Variants in CDH15 observed in about 807,000 individuals in gnomAD.
CDH15 encodes cadherin 15, also known as cadherin-15.
A neutral mutation model predicts 69.4 loss-of-function variants in CDH15; 73 were observed. That is an observed-to-expected ratio of 1.05 (90% CI 0.87 to 1.28). The LOEUF (loss-of-function observed/expected upper bound fraction) is 1.28. CDH15 is among the 50% of genes most tolerant of loss of function. The probability of loss-of-function intolerance (pLI) is 0.00; values close to 1 mark genes in which losing one functional copy is unlikely to be tolerated. For missense variants in CDH15, 1,343 were observed against 1,133.6 expected, an observed-to-expected ratio of 1.18 and a Z score of -2.65; for synonymous variants, 624 against 507.7, an observed-to-expected ratio of 1.23 and a Z score of -3.08.
In CDH15 at chr16:89,187,410, C is replaced by A; in HGVS notation, c.664-19C>A. On this transcript the variant is annotated intron_variant, in intron 5 of 13. Coordinates refer to ENST00000289746, the MANE Select transcript of CDH15 (RefSeq NM_004933.3). ...CCACCTGGGCCCTCATCTTCTGACC[C>A]TGTGCCCCACATCCCCAGGTGGTCG... 1 of 1,612,014 alleles carries A rather than the reference C, an allele frequency of 6.2e-7. No homozygotes were observed.
In CDH15 at chr16:89,180,364, C is replaced by T; in HGVS notation, c.357+9C>T. ...AGACTGATCGCTTCAGGGTGCGGAG[C>T]TGCGTGGTCGGACCTGTGCCCCTCA... On this transcript the variant is annotated intron_variant, in intron 3 of 13. Coordinates refer to ENST00000289746, the MANE Select transcript of CDH15 (RefSeq NM_004933.3). The T allele has an allele frequency of 1.2e-6, 2 of 1,609,970 alleles. No individual in the cohort carries two copies. The highest frequency in any genetic ancestry group is 1.7e-6 in the Non-Finnish European group (2 of 1,178,492).
rs533460689 is a variant in CDH15, at chr16:89,171,779, C to G, written c.-53C>G. ...CACTTGCGCTGTCACTCAGCCTGGA[C>G]GCGCTTCTTCGGGTCGCGGGTGCAC... On this transcript the variant is annotated 5_prime_UTR_variant, in exon 1 of 14. Transcript: ENST00000289746. 1.4e-4 allele frequency: 219 copies of G among 1,527,056 alleles called. 1 individual carries two copies. The African/African-American group carries it at 2.8e-3, about 19-fold the overall frequency. The allele number at this position is 1,527,056 out of a possible 1,614,324, so 94.6% of individuals were successfully genotyped here. A position where few individuals can be genotyped will look rare whatever the true frequency, so the allele number is the denominator to read the frequency against.
At chr16:89,185,027 A>G in intron 4 of CDH15, 146 bp from the exon 5 acceptor site, 1 of 746,298 alleles carries the variant, frequency 1.3e-6, no homozygotes, top group Non-Finnish European at 2.2e-6. Context: ...TGACGCAAAC[A>G]GCAGCATGGA....
intron 1 of CDH15, among the ~76,000 whole-genome samples, chr16:89,173,825 C>T (rs1915204968): frequency 6.6e-6 from 1 of 152,254 alleles, no homozygotes; most frequent in African/African-American, 2.4e-5. Context: ...CTCAGCCCTG[C>T]TGCACCTACA....
At chr16:89,194,553 C>T (rs376042761) in intron 13 of CDH15, among the ~76,000 whole-genome samples, 8 of 152,194 alleles carry the variant, frequency 5.3e-5, no homozygotes, top group Admixed American at 3.3e-4. Flanking sequence ...ACAAGGGCCA[C>T]GGGGAGGAAG....
chr16:89,185,620 C>T (rs573166419), intron 5 of CDH15: 55 of 514,518 alleles, frequency 1.1e-4, no homozygotes, highest in Non-Finnish European at 1.7e-4. Flanking sequence ...CTCATGGCAA[C>T]GGCTCCCCGC....
At chr16:89,191,226 T>C in intron 8 of CDH15, 104 bp from the exon 9 acceptor site, 2 of 1,291,970 alleles carry the variant, frequency 1.5e-6, no homozygotes, top group Non-Finnish European at 2.2e-6. Flanking sequence ...GGTATGTATG[T>C]GTGTGCCTGT....
rs1915648479 is a variant in CDH15 at position 89,191,766 on chromosome 16, A to C, written c.1487A>C (p.His496Pro). 1 of 1,606,360 alleles carries C rather than the reference A, an allele frequency of 6.2e-7. No individual in the cohort carries two copies. The highest frequency in any genetic ancestry group is 1.7e-5 in the Admixed American group (1 of 59,942). ...CCGGGCAGCCTGTGCAGCGAGCCAC[A>C]CCAAGGCCCAGGCCTCCTCCTGGGC... ...PPPGSLCSEP[H>P]QGPGLLLGAT... Residue 496 changes from histidine (H) to proline (P), a missense_variant, in exon 10 of 14, where the codon CAC becomes CCC. His to Pro is a moderately conservative substitution (Grantham distance 77, BLOSUM62 -2). Coordinates refer to ENST00000289746, the MANE Select transcript of CDH15 (RefSeq NM_004933.3).
chr16:89,185,271 C>A lies in CDH15; in HGVS notation c.601C>A (p.Leu201Ile). Residue 201 changes from leucine to isoleucine, a missense_variant, in exon 5 of 14, where the codon CTC (leucine) becomes ATC (isoleucine). Coordinates refer to ENST00000289746, the MANE Select transcript of CDH15 (RefSeq NM_004933.3). ...FSILQQGSPE[L>I]FSIDELTGEI... Reference sequence around the variant, plus strand: ...CATCCTGCAGCAGGGCAGCCCCGAGCTCTTCAGCATCGACGAGCTCACAGG... The same window carrying A: ...CATCCTGCAGCAGGGCAGCCCCGAGATCTTCAGCATCGACGAGCTCACAGG... 3 of 1,606,420 alleles carry A rather than the reference C, an allele frequency of 1.9e-6. No individual in the cohort carries two copies. The highest frequency in any genetic ancestry group is 1.7e-6 in the Non-Finnish European group (2 of 1,176,780).
At chr16:89,174,043 T>C (rs1915209609) in intron 1 of CDH15, among the ~76,000 whole-genome samples, 1 of 152,180 alleles carries the variant, frequency 6.6e-6, no homozygotes. Flanking sequence ...CGGGTGACTG[T>C]GACCAAGGCC....
At chr16:89,185,546 G>T in intron 5 of CDH15, 1 of 643,718 alleles carries the variant, frequency 1.6e-6, no homozygotes, top group South Asian at 1.8e-5. Context: ...GGGGTCTGGT[G>T]CAAGTAGGGC....
chr16:89,178,613 G>C (rs113269489), intron 1 of CDH15, among the ~76,000 whole-genome samples: 16 of 131,492 alleles, frequency 1.2e-4, no homozygotes, highest in Middle Eastern at 3.8e-3. Flanking sequence ...TCAGGAACCC[G>C]CACCACCAGC....
intron 7 of CDH15, among the ~76,000 whole-genome samples, chr16:89,188,906 ACATGCCCACACACAGG>A (rs1190099988): frequency 1.4e-5 from 2 of 147,070 alleles, no homozygotes; most frequent in Non-Finnish European, 3.0e-5. Flanking sequence ...GCCCACACAC[ACATGCCCACACACAGG>A]TGCCCACACA....
At chr16:89,185,128 T>C (rs745870193) in intron 4 of CDH15, 45 bp from the exon 5 acceptor site, 9 of 1,544,362 alleles carry the variant, frequency 5.8e-6, no homozygotes, top group Non-Finnish European at 7.0e-6. Context: ...CCCCAGCCCA[T>C]CGGCCCTGTG....
At chr16:89,174,905 G>A (rs540119978) in intron 1 of CDH15, among the ~76,000 whole-genome samples, 6 of 152,160 alleles carry the variant, frequency 3.9e-5, no homozygotes, top group South Asian at 2.1e-4. Context: ...CCTGGGCACC[G>A]GATGTCCCGA....
At position 89,191,896 on chromosome 16, in the gene CDH15, T is replaced by C. The variant is rs752276421; in HGVS notation, c.1615+2T>C. 4.5e-6 allele frequency: 7 copies of C among 1,559,016 alleles called. No individual in the cohort carries two copies. The African/African-American group carries it at 8.1e-5, about 18-fold the overall frequency. ...ACTGGAGCCTCAGCCAGGTCAACGG[T>C]GCGCTCCCCTCACCGCCGCGCTCCC... On this transcript the variant is annotated splice_donor_variant, in intron 10 of 13. Coordinates refer to ENST00000289746, the MANE Select transcript of CDH15 (RefSeq NM_004933.3). LOFTEE classifies it high-confidence loss of function.
At chr16:89,187,691 G>A in intron 6 of CDH15, 134 bp downstream of exon 6, 1 of 1,310,782 alleles carries the variant, frequency 7.6e-7, no homozygotes, top group South Asian at 1.3e-5. Context: ...CTCCGCGTGG[G>A]CGGGTGGAAG....
At chr16:89,191,293 T>TA (rs1915634144) in intron 8 of CDH15, 37 bp from the exon 9 acceptor site, 2 of 1,611,898 alleles carry the variant, frequency 1.2e-6, no homozygotes, top group Non-Finnish European at 1.7e-6. Flanking sequence ...GGCCCTGGGG[T>TA]AAACTCAGAT....
rs1915155930 is a variant in CDH15, at chr16:89,171,764, G to A, written c.-68G>A. On this transcript the variant is annotated 5_prime_UTR_variant, in exon 1 of 14. Coordinates refer to ENST00000289746, the MANE Select transcript of CDH15 (RefSeq NM_004933.3). Reference sequence around the variant, plus strand: ...CTGGCCCGCCCCGCGCACTTGCGCTGTCACTCAGCCTGGACGCGCTTCTTC... The same window carrying A: ...CTGGCCCGCCCCGCGCACTTGCGCTATCACTCAGCCTGGACGCGCTTCTTC... 3 of 1,488,634 alleles carry A rather than the reference G, an allele frequency of 2.0e-6. No homozygotes were observed. In the Admixed American group the frequency reaches 5.9e-5, roughly 29 times the overall value. 92.2% of individuals were successfully genotyped at this position (1,488,634 alleles called of 1,614,324 possible).
Sources: gnomAD v4.1 joint callset for allele counts (sites outside exome capture counted in the v4.1 genomes callset) on GRCh38, gnomAD v4.1.1 for gene constraint, MANE v1.5 for transcripts, NCBI Gene and HGNC (gene_info 2026-07-23, HGNC 2026-07-21) for gene names.